The following FGF18 variants were observed in gnomAD, a reference collection of about 807,000 sequenced individuals.
FGF18 encodes fibroblast growth factor 18.
A neutral mutation model predicts 23.0 loss-of-function variants in FGF18; 5 were observed. The ratio of observed to expected loss-of-function variants is 0.22; its 90% CI spans 0.11 to 0.46. The LOEUF (loss-of-function observed/expected upper bound fraction) is 0.46. Among genes scored for constraint, FGF18 ranks in the 20% least tolerant of loss-of-function variants. FGF18 has a pLI of 0.99. For synonymous variants in FGF18, 117 were observed against 118.9 expected (o/e 0.98, Z 0.10); for missense variants, 180 against 291.6 (o/e 0.62, Z 2.79).
chr5:171,420,500 C>T, intron 2 of FGF18, 57 bp downstream of exon 2: 3 of 1,520,616 alleles, frequency 2.0e-6, no homozygotes, highest in South Asian at 2.2e-5. Context: ...TACACGCCGA[C>T]CCCCCTTCCC....
intron 2 of FGF18, among the ~76,000 whole-genome samples, chr5:171,427,412 G>C (rs1772107836): frequency 6.6e-6 from 1 of 152,166 alleles, no homozygotes; most frequent in African/African-American, 2.4e-5. Context: ...GTGTTCCTTG[G>C]ATCAGTGACA....
At chr5:171,452,178 G>A (rs1002629601) in intron 4 of FGF18, among the ~76,000 whole-genome samples, 3 of 152,226 alleles carry the variant, frequency 2.0e-5, no homozygotes, top group South Asian at 2.1e-4. Flanking sequence ...CCTCAGCGTC[G>A]TCATCTGTAA....
At position 171,443,500 on chromosome 5, in the gene FGF18, C is replaced by CTTTTTTTTTTTTTTTT. The variant is rs766926286; in HGVS notation, c.251-5647_251-5646insTTTTTTTTTTTTTTTT. On this transcript the variant is annotated intron_variant, in intron 3 of 4. Coordinates refer to ENST00000274625, the MANE Select transcript of FGF18 (RefSeq NM_003862.3). ...TCAGATAAGTATTCACTGTTATCATCATTTTTTTTTTTTTTTTTTTTTTTT... is the reference window on the plus strand; with the variant it reads ...TCAGATAAGTATTCACTGTTATCATCTTTTTTTTTTTTTTTTATTTTTTTTTTTTTTTTTTTTTTTT... Among the ~76,000 whole-genome samples, 81 of 70,322 alleles carry CTTTTTTTTTTTTTTTT rather than the reference C, an allele frequency of 1.2e-3. 11 individuals are homozygous for CTTTTTTTTTTTTTTTT. Among genetic ancestry groups the CTTTTTTTTTTTTTTTT allele is most frequent in the Middle Eastern group, 0.01 (1 of 96 alleles). 46.1% of individuals were successfully genotyped at this position (70,322 alleles called of 152,430 possible).
intron 2 of FGF18, among the ~76,000 whole-genome samples, chr5:171,431,887 A>C (rs1772187019): frequency 6.6e-6 from 1 of 151,976 alleles, no homozygotes; most frequent in Admixed American, 6.6e-5. Context: ...TGTCTCTACC[A>C]AAAATACAAA....
chr5:171,446,950 CT>C (rs1309305140), intron 3 of FGF18, among the ~76,000 whole-genome samples: 4 of 151,924 alleles, frequency 2.6e-5, no homozygotes, highest in African/African-American at 9.7e-5. Flanking sequence ...TTTGCTGCTC[CT>C]CCACCCTTGC....
rs1462164371 is a variant in FGF18 at position 171,457,445 on chromosome 5, G to C, written c.*640G>C. Reference sequence around the variant, plus strand: ...CGCAGTTCTGGAGGATGCTGCTATCGACCTTCCGTGACTCACGTGACCTAG... The same window carrying C: ...CGCAGTTCTGGAGGATGCTGCTATCCACCTTCCGTGACTCACGTGACCTAG... On this transcript the variant is annotated 3_prime_UTR_variant, in exon 5 of 5. Coordinates refer to ENST00000274625, the MANE Select transcript of FGF18 (RefSeq NM_003862.3). The C allele has an allele frequency of 6.6e-6, 1 of 151,932 alleles. No homozygotes were observed. Among genetic ancestry groups the C allele is most frequent in the Non-Finnish European group, 1.5e-5 (1 of 68,088 alleles). 9.4% of individuals were successfully genotyped at this position (151,932 alleles called of 1,614,324 possible). A position where few individuals can be genotyped will look rare whatever the true frequency, so the allele number is the denominator to read the frequency against.
In FGF18 at chr5:171,451,271, C is replaced by T. The variant is rs895520854; in HGVS notation, c.357+2018C>T. On this transcript the variant is annotated intron_variant, in intron 4 of 4. Coordinates refer to ENST00000274625, the MANE Select transcript of FGF18 (RefSeq NM_003862.3). This position sits in a 1 kb window ranked among gnomAD's most constrained non-coding sequence, Gnocchi z 4.5. ...CCCGCCCAGGCCTCCACGCCCGACCCCAACCCTTGCCAGCCTCCTGTCTTC... is the reference window on the plus strand; with the variant it reads ...CCCGCCCAGGCCTCCACGCCCGACCTCAACCCTTGCCAGCCTCCTGTCTTC... Among the ~76,000 whole-genome samples the T allele has an allele frequency of 6.6e-6, 1 of 152,160 alleles. No homozygotes were observed. Among genetic ancestry groups the T allele is most frequent in the Non-Finnish European group, 1.5e-5 (1 of 67,998 alleles).
At chr5:171,428,867 C>T (rs567401348) in intron 2 of FGF18, among the ~76,000 whole-genome samples, 4 of 152,284 alleles carry the variant, frequency 2.6e-5, no homozygotes, top group East Asian at 1.9e-4. Flanking sequence ...CCTGCAGCAG[C>T]GGTGCCCATA....
intron 2 of FGF18, among the ~76,000 whole-genome samples, chr5:171,428,051 G>A (rs1248886357): frequency 6.6e-6 from 1 of 152,186 alleles, no homozygotes; most frequent in Admixed American, 6.5e-5. Context: ...TTGGCATAGC[G>A]CCTGGCTCAT....
In FGF18 at chr5:171,451,268, A is replaced by G. The variant is rs1056726537; in HGVS notation, c.357+2015A>G. 6.6e-6 allele frequency among the ~76,000 whole-genome samples: 1 copy of G among 150,616 alleles called. No homozygotes were observed. The highest frequency in any genetic ancestry group is 2.4e-5 in the African/African-American group (1 of 41,008). On this transcript the variant is annotated intron_variant, in intron 4 of 4. Coordinates refer to ENST00000274625, the MANE Select transcript of FGF18 (RefSeq NM_003862.3). The surrounding 1 kb of genome is among the most constrained non-coding windows in gnomAD (Gnocchi z 4.5). ...GCTCCCGCCCAGGCCTCCACGCCCG[A>G]CCCCAACCCTTGCCAGCCTCCTGTC...
chr5:171,420,298 CTCTG>C, intron 1 of FGF18, 67 bp downstream of exon 1: 1 of 1,607,286 alleles, frequency 6.2e-7, no homozygotes, highest in Non-Finnish European at 8.5e-7. Context: ...TGCCCTGTAC[CTCTG>C]TCTGCCCGCC....
intron 2 of FGF18, among the ~76,000 whole-genome samples, chr5:171,422,554 A>G (rs1163613645): frequency 3.9e-5 from 6 of 152,160 alleles, no homozygotes. Flanking sequence ...TATGACCCCT[A>G]AAGATAAAGA....
At chr5:171,454,559 C>T (rs1045029809) in intron 4 of FGF18, among the ~76,000 whole-genome samples, 2 of 152,224 alleles carry the variant, frequency 1.3e-5, no homozygotes, top group Admixed American at 1.3e-4. Context: ...CTCGAAAGAT[C>T]TCATCTTCCA....
At chr5:171,450,762 T>A (rs1266338471) in intron 4 of FGF18, among the ~76,000 whole-genome samples, 1 of 151,736 alleles carries the variant, frequency 6.6e-6, no homozygotes, top group Non-Finnish European at 1.5e-5. Context: ...GGGCGCCGGG[T>A]CCCCCTAGCC....
At chr5:171,449,073 T>C (rs942131105) in intron 3 of FGF18, 74 bp from the exon 4 acceptor site, 9 of 1,105,522 alleles carry the variant, frequency 8.1e-6, no homozygotes, top group Non-Finnish European at 1.2e-5. Context: ...CCAGGGACCA[T>C]GTCACTGAGC....
chr5:171,447,869 AG>A (rs1246795597), intron 3 of FGF18, among the ~76,000 whole-genome samples: 1 of 152,032 alleles, frequency 6.6e-6, no homozygotes, highest in East Asian at 1.9e-4. Flanking sequence ...TGGGTGAGGG[AG>A]GGGCAGGGGC....
chr5:171,451,999 G>A lies in FGF18; in HGVS notation c.357+2746G>A, dbSNP rs748856115. Among the ~76,000 whole-genome samples, 2 of 152,224 alleles carry A rather than the reference G, an allele frequency of 1.3e-5. No homozygotes were observed. The highest frequency in any genetic ancestry group is 2.9e-5 in the Non-Finnish European group (2 of 68,036). ...CTCTGTCACACTGGGAACTCCCTGA[G>A]GGCGGATTCTGCATCCATTCATCTG... On this transcript the variant is annotated intron_variant, in intron 4 of 4. Transcript: ENST00000274625. The surrounding 1 kb of genome is among the most constrained non-coding windows in gnomAD (Gnocchi z 4.5).
rs773654063 is a variant in FGF18 at position 171,456,676 on chromosome 5, C to T, written c.495C>T (p.Thr165=). ...KKGRPRKGPK[T]RENQQDVHFM... is the part of the protein sequence containing the mutation. ...GGCGGCCGCGGAAGGGCCCCAAGAC[C>T]CGGGAGAACCAGCAGGACGTGCATT... Residue 165 remains threonine, a synonymous_variant, in exon 5 of 5, where the codon ACC becomes ACT. Transcript: ENST00000274625. This position sits in a 1 kb window ranked among gnomAD's most constrained non-coding sequence, Gnocchi z 6.1. The T allele has an allele frequency of 1.9e-5, 31 of 1,613,872 alleles. No homozygotes were observed. The East Asian group carries it at 6.9e-4, about 36-fold the overall frequency.
chr5:171,456,646 G>C lies in FGF18; in HGVS notation c.465G>C (p.Lys155Asn). 4 of 1,614,106 alleles carry C rather than the reference G, an allele frequency of 2.5e-6. No homozygotes were observed. Among genetic ancestry groups the C allele is most frequent in the Non-Finnish European group, 3.4e-6 (4 of 1,180,024 alleles). Residue 155 changes from lysine to asparagine, a missense_variant, in exon 5 of 5, where the codon AAG becomes AAC. Lys to Asn is a moderately conservative substitution (Grantham distance 94). Coordinates refer to ENST00000274625, the MANE Select transcript of FGF18 (RefSeq NM_003862.3). This position sits in a 1 kb window ranked among gnomAD's most constrained non-coding sequence, Gnocchi z 6.1. ...KYSGWYVGFT[K>N]KGRPRKGPKT... ...CCGGCTGGTACGTGGGCTTCACCAA[G>C]AAGGGGCGGCCGCGGAAGGGCCCCA...
Sources: allele counts gnomAD v4.1 joint callset (sites outside exome capture counted in the v4.1 genomes callset), GRCh38; gene constraint gnomAD v4.1.1; non-coding constraint Gnocchi (gnomAD v3.1); transcripts MANE v1.5; gene names NCBI Gene and HGNC (gene_info 2026-07-23, HGNC 2026-07-21).